Variants in NHSL2 observed in about 807,000 individuals in gnomAD.
NHSL2 encodes NHS like 2.
Under a neutral mutation model 53.4 loss-of-function variants are expected in NHSL2, and 27 were observed. The ratio of observed to expected loss-of-function variants is 0.51; its 90% CI spans 0.37 to 0.70. The LOEUF (loss-of-function observed/expected upper bound fraction) is 0.70, where lower values mean the gene tolerates loss of function less well. Ranked by LOEUF, NHSL2 falls within the 30% of genes least tolerant of loss-of-function variation. The probability of loss-of-function intolerance (pLI) is 0.00; values close to 1 mark genes in which losing one functional copy is unlikely to be tolerated. For synonymous variants in NHSL2, 408 were observed against 404.1 expected (o/e 1.01, Z -0.12); for missense variants, 892 against 980.1 (o/e 0.91, Z 1.20).
At chrX:72,015,289 C>T (rs1203989949) in intron 1 of NHSL2, among the ~76,000 whole-genome samples, 1 of 111,538 alleles carries the variant, frequency 9.0e-6, no homozygotes, top group Non-Finnish European at 1.9e-5. Context: ...GAGGGAGGAC[C>T]AGGGAAAAGT....
intron 1 of NHSL2, among the ~76,000 whole-genome samples, chrX:71,969,336 A>T (rs1602285842): frequency 1.3e-5 from 1 of 78,839 alleles, no homozygotes. Flanking sequence ...TTTTTTTGAG[A>T]CAGTCTCGCT....
At chrX:72,079,483 C>A (rs2041771302) in intron 1 of NHSL2, among the ~76,000 whole-genome samples, 1 of 112,145 alleles carries the variant, frequency 8.9e-6, no homozygotes, top group Admixed American at 9.4e-5. Flanking sequence ...TCAGTTTCCT[C>A]CTGGATTAAA....
intron 1 of NHSL2, among the ~76,000 whole-genome samples, chrX:72,111,822 C>T (rs1356709478): frequency 9.0e-6 from 1 of 111,593 alleles, no homozygotes; most frequent in Non-Finnish European, 1.9e-5. Flanking sequence ...TGTGTATATG[C>T]TGGTGACCAA....
chrX:72,087,053 G>A (rs775543506), intron 1 of NHSL2, among the ~76,000 whole-genome samples: 13 of 111,894 alleles, frequency 1.2e-4, no homozygotes, highest in East Asian at 8.4e-4. Flanking sequence ...AGCCTGGGGG[G>A]TCTGACCTGC....
At chrX:72,080,379 G>A (rs2041779897) in intron 1 of NHSL2, 1 of 111,698 alleles carries the variant, frequency 9.0e-6, no homozygotes, top group African/African-American at 3.3e-5. Flanking sequence ...GAGGCAGCCT[G>A]GGCTGCTTTG....
intron 1 of NHSL2, among the ~76,000 whole-genome samples, chrX:72,010,770 T>C (rs1602308340): frequency 8.9e-6 from 1 of 112,375 alleles, no homozygotes; most frequent in Admixed American, 9.4e-5. Context: ...AGAGGTCCCA[T>C]GTACCCTTCA....
At chrX:72,038,749 G>T (rs1215028783) in intron 1 of NHSL2, among the ~76,000 whole-genome samples, 1 of 112,257 alleles carries the variant, frequency 8.9e-6, no homozygotes, top group African/African-American at 3.2e-5. Context: ...TGATATTCAT[G>T]TAAAGGCATT....
intron 1 of NHSL2, among the ~76,000 whole-genome samples, chrX:72,090,839 A>G (rs1048530784): frequency 4.5e-5 from 5 of 110,516 alleles, no homozygotes; most frequent in Non-Finnish European, 7.6e-5. Context: ...AAAGATAGAG[A>G]AAGATTTTTA....
chrX:71,932,403 C>T (rs940125658), intron 1 of NHSL2, among the ~76,000 whole-genome samples: 2 of 110,308 alleles, frequency 1.8e-5, no homozygotes, highest in Non-Finnish European at 3.8e-5. Context: ...TGTGGGCCAC[C>T]GAAGCAAAGA....
At chrX:72,134,900 C>G (rs1231517797) in intron 4 of NHSL2, among the ~76,000 whole-genome samples, 196 bp downstream of exon 4, 1 of 112,819 alleles carries the variant, frequency 8.9e-6, no homozygotes, top group East Asian at 2.8e-4. Context: ...TTCTTCACCC[C>G]CTCCTGGCAC....
At chrX:71,972,546 C>G (rs1375513306) in intron 1 of NHSL2, among the ~76,000 whole-genome samples, 1 of 112,264 alleles carries the variant, frequency 8.9e-6, no homozygotes, top group Non-Finnish European at 1.9e-5. Context: ...AAAATTTTCT[C>G]TTTGTCTTTC....
intron 1 of NHSL2, among the ~76,000 whole-genome samples, chrX:71,929,248 T>C (rs1238944233): frequency 8.9e-6 from 1 of 112,671 alleles, no homozygotes; most frequent in Non-Finnish European, 1.9e-5. Flanking sequence ...TTTTAAATTG[T>C]GATATATAGT....
chrX:72,144,410 C>T lies in NHSL2; in HGVS notation c.*836C>T, dbSNP rs182441369. On this transcript the variant is annotated 3_prime_UTR_variant, in exon 8 of 8. Coordinates refer to ENST00000633930, the MANE Select transcript of NHSL2 (RefSeq NM_001013627.3). Reference sequence around the variant, plus strand: ...AGATCCTCCATGTGTCTGTCAACAGCGATAGGCAGGATCTGCGCCCAGCTC... The same window carrying T: ...AGATCCTCCATGTGTCTGTCAACAGTGATAGGCAGGATCTGCGCCCAGCTC... The T allele has an allele frequency of 1.7e-4, 100 of 592,383 alleles. No individual in the cohort carries two copies. The highest frequency in any genetic ancestry group is 4.2e-4 in the African/African-American group (18 of 43,111). The allele number at this position is 592,383 out of a possible 1,213,427, so 48.8% of individuals were successfully genotyped here.
At chrX:71,937,061 A>G (rs916003768) in intron 1 of NHSL2, among the ~76,000 whole-genome samples, 5 of 112,236 alleles carry the variant, frequency 4.5e-5, no homozygotes, top group Admixed American at 3.8e-4. Flanking sequence ...TTGTGTTGCT[A>G]GGATTCAAAC....
intron 1 of NHSL2, among the ~76,000 whole-genome samples, chrX:71,942,970 C>CTGTG (rs1348513435): frequency 1.1e-3 from 18 of 17,099 alleles, no homozygotes; most frequent in African/African-American, 2.7e-3. Flanking sequence ...CTCTCTCTCT[C>CTGTG]TCTGTGTGTG....
At chrX:71,954,447 A>G (rs1191344936) in intron 1 of NHSL2, among the ~76,000 whole-genome samples, 2 of 112,229 alleles carry the variant, frequency 1.8e-5, no homozygotes, top group Non-Finnish European at 3.8e-5. Context: ...CAACTAGCAA[A>G]AGGTCTCAAC....
At chrX:71,974,887 C>A (rs2041941522) in intron 1 of NHSL2, among the ~76,000 whole-genome samples, 1 of 111,837 alleles carries the variant, frequency 8.9e-6, no homozygotes, top group African/African-American at 3.3e-5. Context: ...GATTTGATAC[C>A]CTCTCCTCAA....
chrX:71,953,168 T>A (rs2041828491), intron 1 of NHSL2, among the ~76,000 whole-genome samples: 1 of 111,139 alleles, frequency 9.0e-6, no homozygotes. Context: ...CCAAATTAGC[T>A]GTTCATTTGG....
intron 1 of NHSL2, among the ~76,000 whole-genome samples, chrX:72,017,078 C>A (rs770696870): frequency 2.2e-4 from 25 of 111,329 alleles, no homozygotes; most frequent in African/African-American, 8.2e-4. Flanking sequence ...GGGTTGGGGT[C>A]CTGTGGAACT....
Sources: gnomAD v4.1 joint callset for allele counts (sites outside exome capture counted in the v4.1 genomes callset) on GRCh38, gnomAD v4.1.1 for gene constraint, MANE v1.5 for transcripts, NCBI Gene and HGNC (gene_info 2026-07-23, HGNC 2026-07-21) for gene names.